Variants in FHAD1 observed in about 807,000 individuals in gnomAD.
The protein encoded by FHAD1 is forkhead associated phosphopeptide binding domain 1, also known as forkhead-associated domain-containing protein 1.
In FHAD1, 146 loss-of-function variants were observed where a neutral mutation model predicts 191.3. The ratio of observed to expected loss-of-function variants is 0.76; its 90% CI spans 0.67 to 0.88. The LOEUF is 0.88. Among genes scored for constraint, FHAD1 ranks in the 40% least tolerant of loss-of-function variants. FHAD1 has a pLI of 0.00. For missense variants in FHAD1, 1,635 were observed against 1,785.8 expected, an observed-to-expected ratio of 0.92 and a Z score of 1.52; for synonymous variants, 616 against 672.3, an observed-to-expected ratio of 0.92 and a Z score of 1.29.
At chr1:15,347,536 GCCTC>G (rs1689335914) in intron 18 of FHAD1, among the ~76,000 whole-genome samples, 1 of 152,150 alleles carries the variant, frequency 6.6e-6, no homozygotes, top group African/African-American at 2.4e-5. Context: ...TGCAACCTCT[GCCTC>G]CCGGGTTCAA....
chr1:15,299,975 A>C (rs1032597420), intron 5 of FHAD1, among the ~76,000 whole-genome samples: 2 of 152,200 alleles, frequency 1.3e-5, no homozygotes, highest in Non-Finnish European at 2.9e-5. Flanking sequence ...AGCAAGCTAG[A>C]AGGTCGAGCT....
chr1:15,329,346 G>C lies in FHAD1; in HGVS notation c.1711G>C (p.Ala571Pro). The C allele has an allele frequency of 6.5e-7, 1 of 1,540,422 alleles. No homozygotes were observed. ...KLRTSLDSCQ[A>P]CMKISCCSHD... ...TCCTCATGATCTCACCTCTTTGCAGGCTTGCATGAAAATATCCTGTTGCAG... is the reference window on the plus strand; with the variant it reads ...TCCTCATGATCTCACCTCTTTGCAGCCTTGCATGAAAATATCCTGTTGCAG... The change falls in exon 14 of 34, where the codon GCT becomes CCT. Residue 571 changes from alanine (A) to proline (P), a missense_variant and splice_region_variant. By Grantham distance (27) the Ala-to-Pro change is conservative. Transcript: ENST00000688493. The surrounding 1 kb of genome is among the most constrained non-coding windows in gnomAD (Gnocchi z 5.0).
chr1:15,323,085 G>A (rs1208541655), intron 10 of FHAD1, among the ~76,000 whole-genome samples: 1 of 152,188 alleles, frequency 6.6e-6, no homozygotes, highest in South Asian at 2.1e-4. Context: ...CGGCCCCCAT[G>A]ATTCAGTTAC....
chr1:15,262,017 A>ACATG (rs1290851206), intron 2 of FHAD1, among the ~76,000 whole-genome samples: 1 of 152,156 alleles, frequency 6.6e-6, no homozygotes, highest in Non-Finnish European at 1.5e-5. Context: ...TTTTTAGCAC[A>ACATG]CACGCACACA....
At chr1:15,331,345 TGGAA>T (rs1464006035) in intron 14 of FHAD1, among the ~76,000 whole-genome samples, 1 of 150,808 alleles carries the variant, frequency 6.6e-6, no homozygotes, top group Non-Finnish European at 1.5e-5. Flanking sequence ...GAGGGATGGA[TGGAA>T]GGAAGTGCAG....
intron 6 of FHAD1, among the ~76,000 whole-genome samples, chr1:15,303,860 A>AAAAG (rs67778049): frequency 6.6e-6 from 1 of 151,748 alleles, no homozygotes; most frequent in African/African-American, 2.4e-5. Flanking sequence ...AAAAAAAAAA[A>AAAAG]AAAGAAAGAA....
downstream of FHAD1, among the ~76,000 whole-genome samples, chr1:15,399,652 A>T (rs186313605): frequency 6.6e-6 from 1 of 152,204 alleles, no homozygotes. Context: ...CAAAAACCTA[A>T]TAAAGAACCT....
rs2101487901 is a variant in FHAD1 at position 15,276,930 on chromosome 1, C to G, written c.300+4401C>G. ...GGCCATTTGCGATGCCCTGAAGCAACTGTTGAGTAGTAACACTGACTCCCT... is the reference window on the plus strand; with the variant it reads ...GGCCATTTGCGATGCCCTGAAGCAAGTGTTGAGTAGTAACACTGACTCCCT... On this transcript the variant is annotated intron_variant, in intron 3 of 33. Transcript: ENST00000688493. This position sits in a 1 kb window ranked among gnomAD's most constrained non-coding sequence, Gnocchi z 4.7. 7.0e-6 allele frequency among the ~76,000 whole-genome samples: 1 copy of G among 142,656 alleles called. No individual in the cohort carries two copies. The highest frequency in any genetic ancestry group is 3.6e-3 in the Middle Eastern group (1 of 278). The allele number at this position is 142,656 out of a possible 152,430, so 93.6% of individuals were successfully genotyped here.
intron 3 of FHAD1, among the ~76,000 whole-genome samples, chr1:15,283,989 C>T (rs996137786): frequency 6.6e-6 from 1 of 152,202 alleles, no homozygotes; most frequent in Non-Finnish European, 1.5e-5. Context: ...CAGACAGCAT[C>T]ACCACTTCCA....
intron 5 of FHAD1, among the ~76,000 whole-genome samples, chr1:15,297,913 T>C (rs934077816): frequency 5.3e-5 from 8 of 152,186 alleles, no homozygotes; most frequent in African/African-American, 1.7e-4. Context: ...TATTGCGGTA[T>C]AGGTGGTATT....
chr1:15,296,251 ATTT>A (rs779409884), intron 4 of FHAD1, among the ~76,000 whole-genome samples: 5 of 134,570 alleles, frequency 3.7e-5, no homozygotes, highest in Non-Finnish European at 4.8e-5. Flanking sequence ...CCACTTTGTA[ATTT>A]TTTTTTTTTT....
downstream of FHAD1, among the ~76,000 whole-genome samples, chr1:15,402,726 T>C (rs1020161174): frequency 4.6e-5 from 7 of 152,210 alleles, no homozygotes; most frequent in Non-Finnish European, 1.0e-4. Context: ...GTAAGTAACT[T>C]GCCCAAGGTC....
At chr1:15,357,420 C>A (rs550405228) in intron 20 of FHAD1, among the ~76,000 whole-genome samples, 5 of 152,056 alleles carry the variant, frequency 3.3e-5, no homozygotes, top group Middle Eastern at 3.4e-3. Flanking sequence ...GTCAAGAGAT[C>A]GAGACCAGCC....
chr1:15,379,045 G>A (rs1234923877), intron 28 of FHAD1, among the ~76,000 whole-genome samples: 1 of 152,194 alleles, frequency 6.6e-6, no homozygotes, highest in Non-Finnish European at 1.5e-5. Flanking sequence ...CTCCACACCT[G>A]TGGGTGTTTC....
At chr1:15,261,476 G>A (rs1002843602) in intron 2 of FHAD1, among the ~76,000 whole-genome samples, 2 of 152,128 alleles carry the variant, frequency 1.3e-5, no homozygotes, top group South Asian at 2.1e-4. Flanking sequence ...TCAGTGCACC[G>A]AGGGGAACTG....
At chr1:15,328,241 C>CTTTTTTTTT in intron 12 of FHAD1, 36 bp from the exon 13 acceptor site, 1 of 1,220,244 alleles carries the variant, frequency 8.2e-7, no homozygotes, top group Non-Finnish European at 1.1e-6. Context: ...TATGTTACAT[C>CTTTTTTTTT]TTTTTTTTTT....
chr1:15,245,227 T>C (rs1212926814), upstream of FHAD1, among the ~76,000 whole-genome samples: 1 of 152,070 alleles, frequency 6.6e-6, no homozygotes, highest in African/African-American at 2.4e-5. Context: ...TTTGGAGGGG[T>C]CAAATATTCT....
upstream of FHAD1, among the ~76,000 whole-genome samples, chr1:15,244,654 A>C (rs1213045291): frequency 6.6e-6 from 1 of 152,214 alleles, no homozygotes; most frequent in Non-Finnish European, 1.5e-5. The surrounding 1 kb of genome is among the most constrained non-coding windows in gnomAD (Gnocchi z 5.1). Context: ...TTCCCCCTGC[A>C]TATTTATTCA....
chr1:15,357,250 T>G (rs1693106836), intron 20 of FHAD1, among the ~76,000 whole-genome samples: 1 of 152,232 alleles, frequency 6.6e-6, no homozygotes, highest in South Asian at 2.1e-4. Flanking sequence ...GTTCGTAAGA[T>G]GCCCAGCACA....
Sources: gnomAD v4.1 joint callset for allele counts (sites outside exome capture counted in the v4.1 genomes callset) on GRCh38, gnomAD v4.1.1 for gene constraint, Gnocchi (gnomAD v3.1) non-coding constraint, MANE v1.5 for transcripts, NCBI Gene and HGNC (gene_info 2026-07-23, HGNC 2026-07-21) for gene names.